ROBO2: variants seen among roughly 807,000 people sequenced by gnomAD.
The protein encoded by ROBO2 is roundabout homolog 2.
In ROBO2, 53 loss-of-function variants were observed where a neutral mutation model predicts 160.8. The observed-to-expected ratio is 0.33, with a 90% CI of 0.26 to 0.41. ROBO2 has a LOEUF of 0.41. ROBO2 is among the 10% of genes least tolerant of loss of function. The pLI is 1.00. For synonymous variants in ROBO2, 664 were observed against 611.7 expected, an observed-to-expected ratio of 1.09 and a Z score of -1.26; for missense variants, 1,577 against 1,722.4, an observed-to-expected ratio of 0.92 and a Z score of 1.49.
At chr3:76,667,239 T>A (rs2092085754) in intron 2 of ROBO2, among the ~76,000 whole-genome samples, 1 of 152,110 alleles carries the variant, frequency 6.6e-6, no homozygotes, top group African/African-American at 2.4e-5. Flanking sequence ...TATTGATAGA[T>A]AACTGTGGAA....
intron 6 of ROBO2, among the ~76,000 whole-genome samples, chr3:77,545,380 A>G (rs1349845487): frequency 6.6e-6 from 1 of 151,868 alleles, no homozygotes; most frequent in African/African-American, 2.4e-5. Context: ...TTTACCTCAA[A>G]GCTCCCATAA....
At chr3:77,347,968 G>A (rs1421291184) in intron 2 of ROBO2, among the ~76,000 whole-genome samples, 2 of 152,006 alleles carry the variant, frequency 1.3e-5, no homozygotes, top group Admixed American at 1.3e-4. Flanking sequence ...ACTCCTAAGA[G>A]TTCTACTTTT....
chr3:75,922,256 G>A (rs1243442590), intron 1 of ROBO2, among the ~76,000 whole-genome samples: 3 of 151,966 alleles, frequency 2.0e-5, no homozygotes, highest in African/African-American at 7.2e-5. Context: ...ATTCCAGAGT[G>A]GATGTCAAAT....
intron 2 of ROBO2, among the ~76,000 whole-genome samples, chr3:76,051,944 A>G (rs1157369285): frequency 6.6e-6 from 1 of 152,098 alleles, no homozygotes; most frequent in Non-Finnish European, 1.5e-5. Context: ...CTAAATTTCA[A>G]TGATAAAAAG....
At chr3:76,743,469 A>G (rs2093835709) in intron 2 of ROBO2, among the ~76,000 whole-genome samples, 1 of 152,270 alleles carries the variant, frequency 6.6e-6, no homozygotes, top group South Asian at 2.1e-4. Flanking sequence ...TTTTAAAAAA[A>G]GAGTACTGTT....
chr3:76,734,036 G>C (rs1033655391), intron 2 of ROBO2, among the ~76,000 whole-genome samples: 1 of 152,082 alleles, frequency 6.6e-6, no homozygotes, highest in Non-Finnish European at 1.5e-5. Flanking sequence ...TGCTTATGAG[G>C]GAACTAATCC....
chr3:76,960,912 A>G (rs1176686189), intron 2 of ROBO2, among the ~76,000 whole-genome samples: 3 of 152,190 alleles, frequency 2.0e-5, no homozygotes. Context: ...CCATATTACT[A>G]AAATCAAACT....
chr3:77,376,801 A>G (rs1296025271), intron 2 of ROBO2, among the ~76,000 whole-genome samples: 1 of 152,188 alleles, frequency 6.6e-6, no homozygotes, highest in Non-Finnish European at 1.5e-5. Flanking sequence ...AAGTTCTGAA[A>G]CATGTGTGAC....
intron 2 of ROBO2, among the ~76,000 whole-genome samples, chr3:76,339,318 G>T (rs140317599): frequency 1.3e-5 from 2 of 152,140 alleles, no homozygotes; most frequent in African/African-American, 2.4e-5. Flanking sequence ...TCAAATATTT[G>T]CTGCAAGGTT....
chr3:77,169,047 A>G (rs1464112001), intron 2 of ROBO2, among the ~76,000 whole-genome samples: 1 of 152,168 alleles, frequency 6.6e-6, no homozygotes, highest in African/African-American at 2.4e-5. Context: ...CAAAGTAAGG[A>G]CTTTCCCTCT....
intron 2 of ROBO2, among the ~76,000 whole-genome samples, chr3:76,801,617 C>G (rs1260505855): frequency 6.6e-6 from 1 of 151,800 alleles, no homozygotes; most frequent in African/African-American, 2.4e-5. Context: ...CGCGGCAGAT[C>G]TTTTATCGAG....
chr3:76,242,538 C>T (rs1206203200), intron 2 of ROBO2, among the ~76,000 whole-genome samples: 1 of 152,104 alleles, frequency 6.6e-6, no homozygotes, highest in African/African-American at 2.4e-5. Context: ...TTCCTGTGCC[C>T]TTCATGTCCC....
chr3:76,063,452 C>A (rs945042521), intron 2 of ROBO2, among the ~76,000 whole-genome samples: 2 of 151,456 alleles, frequency 1.3e-5, no homozygotes, highest in African/African-American at 4.9e-5. Context: ...TCAAGCAATC[C>A]TCCCACCTCA....
intron 2 of ROBO2, among the ~76,000 whole-genome samples, chr3:76,009,447 G>C (rs2066131741): frequency 6.6e-6 from 1 of 152,172 alleles, no homozygotes; most frequent in African/African-American, 2.4e-5. Context: ...AGAAGGATTG[G>C]AGAAAATCAG....
Position 76,981,025 on chromosome 3 carries a change from G to A in ROBO2, c.110-116989G>A, listed in dbSNP as rs527801986. 4.6e-5 allele frequency among the ~76,000 whole-genome samples: 7 copies of A among 152,096 alleles called. No homozygotes were observed. The South Asian group carries it at 8.3e-4, about 18-fold the overall frequency. On this transcript the variant is annotated intron_variant, in intron 2 of 26. Transcript: ENST00000487694. ...TGTTGCATGTATCAGTACTTCATTC[G>A]TTTTCGTCGCCTAATAATGTTCCAT... is the stretch of plus-strand genomic sequence containing the variant.
At chr3:76,219,873 C>T (rs1360482209) in intron 2 of ROBO2, among the ~76,000 whole-genome samples, 2 of 152,038 alleles carry the variant, frequency 1.3e-5, no homozygotes, top group Non-Finnish European at 2.9e-5. Context: ...AAGACACATG[C>T]ACACATATGT....
rs114744313 is a variant in ROBO2, at chr3:76,375,412, C to T, written c.109+437810C>T. On this transcript the variant is annotated intron_variant, in intron 2 of 26. Coordinates refer to the ROBO2 transcript ENST00000487694. ...ACTCAAATAATCTTGAGTACTTCCA[C>T]GCATGCAGTCATGTATTCATCTAAT... 2.2e-3 allele frequency among the ~76,000 whole-genome samples: 329 copies of T among 152,056 alleles called. 2 individuals carry two copies. The highest frequency in any genetic ancestry group is 7.2e-3 in the African/African-American group (298 of 41,516).
At chr3:76,540,785 TAATTA>T (rs1360531073) in intron 2 of ROBO2, among the ~76,000 whole-genome samples, 1 of 152,078 alleles carries the variant, frequency 6.6e-6, no homozygotes, top group Non-Finnish European at 1.5e-5. Flanking sequence ...ACTTTTGATT[TAATTA>T]TTTTTATTTT....
chr3:76,227,485 A>G (rs1658083020), intron 2 of ROBO2, among the ~76,000 whole-genome samples: 1 of 152,216 alleles, frequency 6.6e-6, no homozygotes, highest in Admixed American at 6.5e-5. Context: ...TTAATAACAT[A>G]CACCATTTTT....
Sources: gnomAD v4.1 joint callset for allele counts (sites outside exome capture counted in the v4.1 genomes callset) on GRCh38, gnomAD v4.1.1 for gene constraint, MANE v1.5 for transcripts, NCBI Gene and HGNC (gene_info 2026-07-23, HGNC 2026-07-21) for gene names.